PEBP4: variants seen among roughly 807,000 people sequenced by gnomAD.
PEBP4 encodes the protein phosphatidylethanolamine-binding protein 4.
In PEBP4, 22 loss-of-function variants were observed where a neutral mutation model predicts 23.9. The ratio of observed to expected loss-of-function variants is 0.92; its 90% confidence interval spans 0.66 to 1.31. The LOEUF (loss-of-function observed/expected upper bound fraction) is 1.31, where lower values mean the gene tolerates loss of function less well. PEBP4 is among the 40% of genes most tolerant of loss of function. The probability of loss-of-function intolerance (pLI) is 0.00; values close to 1 mark genes in which losing one functional copy is unlikely to be tolerated. For missense variants in PEBP4, 324 were observed against 281.7 expected (o/e 1.15, Z -1.07); for synonymous variants, 112 against 99.3 (o/e 1.13, Z -0.76).
chr8:22,832,648 C>A (rs578030986), intron 3 of PEBP4, among the ~76,000 whole-genome samples: 1 of 152,078 alleles, frequency 6.6e-6, no homozygotes, highest in African/African-American at 2.4e-5. Flanking sequence ...AGAGGAGAAA[C>A]GAAAAGTATC....
intron 4 of PEBP4, among the ~76,000 whole-genome samples, chr8:22,772,493 CTTTTTT>C (rs34489811): frequency 8.2e-6 from 1 of 121,602 alleles, no homozygotes; most frequent in South Asian, 3.0e-4. Flanking sequence ...CTCTCTCTCT[CTTTTTT>C]TTTTTTTTTT....
chr8:22,920,144 C>A, intron 3 of PEBP4, 40 bp downstream of exon 3: 1 of 1,589,712 alleles, frequency 6.3e-7, no homozygotes, highest in East Asian at 2.3e-5. Flanking sequence ...ATCAAGACCC[C>A]CAACTGTCCC....
At chr8:22,856,664 C>T (rs900945196) in intron 3 of PEBP4, among the ~76,000 whole-genome samples, 5 of 151,990 alleles carry the variant, frequency 3.3e-5, no homozygotes, top group African/African-American at 4.8e-5. Flanking sequence ...TTCTGTGAAC[C>T]GAGATTGCCC....
chr8:22,800,483 C>A (rs1174615758), intron 4 of PEBP4, among the ~76,000 whole-genome samples: 1 of 152,078 alleles, frequency 6.6e-6, no homozygotes, highest in Non-Finnish European at 1.5e-5. Flanking sequence ...GTGCCATCAG[C>A]CCTGTCCCCG....
At chr8:22,793,439 T>TG (rs1446557165) in intron 4 of PEBP4, among the ~76,000 whole-genome samples, 11 of 150,538 alleles carry the variant, frequency 7.3e-5, no homozygotes, top group Non-Finnish European at 1.5e-4. Context: ...GCTCATTTTT[T>TG]TTTTTTTTTT....
chr8:22,791,748 C>T (rs1585274493), intron 4 of PEBP4, among the ~76,000 whole-genome samples: 1 of 152,340 alleles, frequency 6.6e-6, no homozygotes, highest in East Asian at 1.9e-4. Flanking sequence ...ATTCAACAAA[C>T]ATTTAATAAG....
chr8:22,847,477 G>A (rs1807462147), intron 3 of PEBP4, among the ~76,000 whole-genome samples: 1 of 152,182 alleles, frequency 6.6e-6, no homozygotes, highest in African/African-American at 2.4e-5. Context: ...ACCCCCAAGG[G>A]ACAGGAGATC....
intron 3 of PEBP4, among the ~76,000 whole-genome samples, chr8:22,820,820 T>G (rs778800196): frequency 1.6e-4 from 25 of 152,132 alleles, no homozygotes; most frequent in Non-Finnish European, 3.4e-4. Context: ...CAGAAAGCTC[T>G]GTACGTCATA....
intron 6 of PEBP4, among the ~76,000 whole-genome samples, chr8:22,720,166 C>T (rs884966): frequency 0.062 from 9,494 of 152,190 alleles, 473 homozygotes; most frequent in East Asian, 0.23. Context: ...GGGGCCGCCA[C>T]GAGTGGCAAG....
intron 3 of PEBP4, among the ~76,000 whole-genome samples, chr8:22,864,238 A>C (rs1232347432): frequency 6.6e-6 from 1 of 152,234 alleles, no homozygotes; most frequent in Non-Finnish European, 1.5e-5. Context: ...TTGATTATAA[A>C]CAGGACAAAC....
intron 4 of PEBP4, among the ~76,000 whole-genome samples, chr8:22,772,493 C>CTTTTTTTTTTTT (rs34489811): frequency 4.9e-5 from 6 of 121,628 alleles, no homozygotes; most frequent in Admixed American, 1.8e-4. Flanking sequence ...CTCTCTCTCT[C>CTTTTTTTTTTTT]TTTTTTTTTT....
chr8:22,895,025 T>G (rs553091488), intron 3 of PEBP4, among the ~76,000 whole-genome samples: 30 of 152,344 alleles, frequency 2.0e-4, no homozygotes, highest in Non-Finnish European at 3.1e-4. Flanking sequence ...AGTCTGATTC[T>G]GAAACAGTAG....
chr8:22,814,110 T>C (rs942313761), intron 4 of PEBP4, among the ~76,000 whole-genome samples: 6 of 152,212 alleles, frequency 3.9e-5, no homozygotes, highest in Admixed American at 1.3e-4. Flanking sequence ...ATCCTTAAAA[T>C]AATTCGCTTA....
rs200301857 is a variant in PEBP4, at chr8:22,713,536, C to T, written c.518G>A (p.Gly173Asp). 3.1e-6 allele frequency: 5 copies of T among 1,614,128 alleles called. No individual in the cohort carries two copies. Among genetic ancestry groups the T allele is most frequent in the East Asian group, 4.5e-5 (2 of 44,868 alleles). Residue 173 changes from glycine (G) to aspartate (D), a missense_variant and splice_region_variant, in exon 7 of 7, where the codon GGC becomes GAC. Physicochemically the swap from Gly to Asp is moderately conservative, Grantham distance 94. Coordinates refer to ENST00000256404, the MANE Select transcript of PEBP4 (RefSeq NM_144962.3). The stretch of plus-strand genomic sequence containing the variant: ...CAGAAATCTGTCCATTTTCCAAGAG[C>T]CTGGAAGGACAAACAGACCACAGGG... Reference protein sequence around the residue: ...SLLPKENKTRGSWKMDRFLNR... With the variant: ...SLLPKENKTRDSWKMDRFLNR...
intron 4 of PEBP4, among the ~76,000 whole-genome samples, chr8:22,743,972 G>T (rs1805055641): frequency 6.6e-6 from 1 of 152,250 alleles, no homozygotes; most frequent in South Asian, 2.1e-4. Context: ...GCTTCTCGGA[G>T]CTTGGTGAGA....
chr8:22,928,895 T>C (rs1395409412), upstream of PEBP4, among the ~76,000 whole-genome samples: 1 of 152,252 alleles, frequency 6.6e-6, no homozygotes, highest in African/African-American at 2.4e-5. Context: ...ACTTTCAGCA[T>C]AGTCTGCTTT....
chr8:22,737,714 C>T (rs1472192520), intron 4 of PEBP4, among the ~76,000 whole-genome samples: 1 of 152,220 alleles, frequency 6.6e-6, no homozygotes, highest in African/African-American at 2.4e-5. Context: ...AATGTCATTA[C>T]CAATCAGCTA....
chr8:22,821,627 A>G (rs1189247954), intron 3 of PEBP4, among the ~76,000 whole-genome samples: 1 of 152,144 alleles, frequency 6.6e-6, no homozygotes, highest in Non-Finnish European at 1.5e-5. Flanking sequence ...GAATCTGTAG[A>G]GTGAAAACAA....
chr8:22,921,909 G>A (rs9657265), intron 2 of PEBP4, among the ~76,000 whole-genome samples: 1,630 of 152,342 alleles, frequency 0.011, 20 homozygotes, highest in African/African-American at 0.037. Flanking sequence ...GAGACAGACA[G>A]CAAACAGCAC....
Sources: allele counts gnomAD v4.1 joint callset (sites outside exome capture counted in the v4.1 genomes callset), GRCh38; gene constraint gnomAD v4.1.1; transcripts MANE v1.5; gene names NCBI Gene and HGNC (gene_info 2026-07-23, HGNC 2026-07-21).